GRIN2B: variants seen among roughly 807,000 people sequenced by gnomAD.
GRIN2B encodes glutamate ionotropic receptor NMDA type subunit 2B.
Under a neutral mutation model 114.5 loss-of-function variants are expected in GRIN2B, and 5 were observed. The ratio of observed to expected loss-of-function variants is 0.04; its 90% CI spans 0.02 to 0.09. GRIN2B has a LOEUF of 0.09. GRIN2B is among the 10% of genes least tolerant of loss of function. GRIN2B has a pLI of 1.00. For synonymous variants in GRIN2B, 787 were observed against 745.1 expected (o/e 1.06, Z -0.92); for missense variants, 1,108 against 1,943.5 (o/e 0.57, Z 8.08).
chr12:13,585,536 G>T (rs561613990), intron 10 of GRIN2B, among the ~76,000 whole-genome samples: 1 of 152,138 alleles, frequency 6.6e-6, no homozygotes. Context: ...ATCCCACCAC[G>T]CACACTGCAT....
chr12:13,869,241 C>CTTTTTTTTTTTTTTTCTT (rs1865870598), intron 2 of GRIN2B, among the ~76,000 whole-genome samples: 2 of 127,374 alleles, frequency 1.6e-5, no homozygotes, highest in African/African-American at 5.9e-5. Flanking sequence ...CTTTTTTTTT[C>CTTTTTTTTTTTTTTTCTT]TTTTTTTTTT....
chr12:13,692,531 T>C (rs1950223185), intron 4 of GRIN2B, among the ~76,000 whole-genome samples: 1 of 152,060 alleles, frequency 6.6e-6, no homozygotes, highest in African/African-American at 2.4e-5. Flanking sequence ...TTACTCTGGT[T>C]TCCTCCCACA....
At chr12:13,856,640 T>G (rs542688665) in intron 3 of GRIN2B, among the ~76,000 whole-genome samples, 10 of 152,318 alleles carry the variant, frequency 6.6e-5, no homozygotes, top group African/African-American at 2.4e-4. Flanking sequence ...CTTGCTCTTC[T>G]TGTTCTTTTC....
At chr12:13,834,951 C>T (rs1039414871) in intron 3 of GRIN2B, among the ~76,000 whole-genome samples, 1 of 152,320 alleles carries the variant, frequency 6.6e-6, no homozygotes, top group African/African-American at 2.4e-5. Context: ...TTCCAAAGTG[C>T]AGCCAAGTTT....
At chr12:13,689,957 C>CA (rs1257705157) in intron 4 of GRIN2B, among the ~76,000 whole-genome samples, 2 of 149,024 alleles carry the variant, frequency 1.3e-5, no homozygotes, top group African/African-American at 5.2e-5. Context: ...AGGCCTTCTC[C>CA]CCTCTTCTCT....
intron 10 of GRIN2B, among the ~76,000 whole-genome samples, chr12:13,593,843 A>C (rs1345060942): frequency 2.6e-5 from 4 of 152,084 alleles, no homozygotes; most frequent in Admixed American, 2.6e-4. Context: ...AACAAACAAC[A>C]CCATCAAAAA....
chr12:13,909,746 T>C (rs1411013962), intron 2 of GRIN2B, among the ~76,000 whole-genome samples: 2 of 152,088 alleles, frequency 1.3e-5, no homozygotes, highest in Non-Finnish European at 1.5e-5. Context: ...TAAAGGTAAA[T>C]GTGACGAGGA....
chr12:13,935,347 C>CT (rs1207240190), intron 2 of GRIN2B, among the ~76,000 whole-genome samples: 1 of 152,210 alleles, frequency 6.6e-6, no homozygotes, highest in Non-Finnish European at 1.5e-5. Flanking sequence ...ACCACACCTT[C>CT]TTTTGGGATT....
intron 3 of GRIN2B, among the ~76,000 whole-genome samples, chr12:13,785,288 G>A (rs537542865): frequency 6.6e-6 from 1 of 152,266 alleles, no homozygotes; most frequent in East Asian, 1.9e-4. Flanking sequence ...TGCATAATAT[G>A]TAAGGGTTAT....
chr12:13,753,520 C>T lies in GRIN2B; in HGVS notation c.807G>A (p.Val269=), dbSNP rs61754644. The part of the protein sequence containing the change: ...PSLVAGDTDT[V]PAEFPTGLIS... ...TGAGCCCAGTGGGGAACTCCGCAGG[C>T]ACTGTGTCTGTATCCCCTGCCACCA... Residue 269 remains valine, a synonymous_variant, in exon 4 of 14, where the codon GTG becomes GTA. Coordinates refer to ENST00000609686, the MANE Select transcript of GRIN2B (RefSeq NM_000834.5). The surrounding 1 kb of genome is among the most constrained non-coding windows in gnomAD (Gnocchi z 6.2). The T allele has an allele frequency of 2.5e-6, 4 of 1,614,174 alleles. No homozygotes were observed. The highest frequency in any genetic ancestry group is 3.4e-6 in the Non-Finnish European group (4 of 1,180,018).
chr12:13,611,684 G>GA lies in GRIN2B; in HGVS notation c.1780+40dup, dbSNP rs746849499. ...GAGTCCAGAGATTTGAAAATAAGGA[G>GA]AAAAAAACTGGGGAAGTGCAGCGGT... On this transcript the variant is annotated intron_variant, in intron 9 of 13. Coordinates refer to ENST00000609686, the MANE Select transcript of GRIN2B (RefSeq NM_000834.5). The GA allele has an allele frequency of 5.0e-6, 8 of 1,604,050 alleles. No individual in the cohort carries two copies. In the Admixed American group the frequency reaches 6.7e-5, roughly 13 times the overall value.
At position 13,607,383 on chromosome 12, in the gene GRIN2B, T is replaced by TATATAA. The variant is rs1565473796; in HGVS notation, c.2010+1219_2010+1220insTTATAT. On this transcript the variant is annotated intron_variant, in intron 10 of 13. Coordinates refer to ENST00000609686, the MANE Select transcript of GRIN2B (RefSeq NM_000834.5). ...TAATATATATTATATATTATATATATAATATATATTATATATAATATATAA... is the reference window on the plus strand; with the variant it reads ...TAATATATATTATATATTATATATATATATAAAATATATATTATATATAATATATAA... 3.2e-3 allele frequency among the ~76,000 whole-genome samples: 175 copies of TATATAA among 54,662 alleles called. 7 individuals are homozygous for TATATAA. Among genetic ancestry groups the TATATAA allele is most frequent in the Non-Finnish European group, 3.8e-3 (124 of 33,008 alleles). 35.9% of individuals were successfully genotyped at this position (54,662 alleles called of 152,430 possible).
intron 3 of GRIN2B, among the ~76,000 whole-genome samples, chr12:13,843,733 T>G (rs1404496452): frequency 6.6e-6 from 1 of 152,220 alleles, no homozygotes; most frequent in African/African-American, 2.4e-5. Flanking sequence ...TAGGAACACG[T>G]TGCAAATCTA....
At chr12:13,584,923 A>C (rs781461079) in intron 10 of GRIN2B, among the ~76,000 whole-genome samples, 7 of 152,108 alleles carry the variant, frequency 4.6e-5, no homozygotes, top group Non-Finnish European at 8.8e-5. Flanking sequence ...TGTCCACTGC[A>C]CTCTACCTCA....
intron 5 of GRIN2B, among the ~76,000 whole-genome samples, chr12:13,655,188 G>C (rs1214494432): frequency 6.6e-6 from 1 of 151,978 alleles, no homozygotes; most frequent in Non-Finnish European, 1.5e-5. Context: ...CCGAGCACAA[G>C]ATTACCCAAA....
intron 5 of GRIN2B, among the ~76,000 whole-genome samples, chr12:13,669,098 G>A (rs1254660231): frequency 6.6e-6 from 1 of 151,918 alleles, no homozygotes; most frequent in South Asian, 2.1e-4. Flanking sequence ...ATTACAGAGA[G>A]ACAAGGACAT....
intron 3 of GRIN2B, among the ~76,000 whole-genome samples, chr12:13,792,905 T>A (rs1166969647): frequency 1.3e-5 from 2 of 152,180 alleles, no homozygotes; most frequent in Non-Finnish European, 2.9e-5. Context: ...CCACAGCACA[T>A]CAGGGAATAG....
chr12:13,738,284 C>T (rs928525506), intron 4 of GRIN2B, among the ~76,000 whole-genome samples: 1 of 152,204 alleles, frequency 6.6e-6, no homozygotes. Flanking sequence ...TTTAAAACCA[C>T]TTGTGTACTC....
intron 4 of GRIN2B, among the ~76,000 whole-genome samples, chr12:13,699,987 G>A (rs58276097): frequency 0.1 from 15,315 of 151,452 alleles, 1,010 homozygotes; most frequent in East Asian, 0.32. Flanking sequence ...CTCAGACCAC[G>A]TAATTCACTC....
Sources: gnomAD v4.1 joint callset for allele counts (sites outside exome capture counted in the v4.1 genomes callset) on GRCh38, gnomAD v4.1.1 for gene constraint, Gnocchi (gnomAD v3.1) non-coding constraint, MANE v1.5 for transcripts, NCBI Gene and HGNC (gene_info 2026-07-23, HGNC 2026-07-21) for gene names.